ANAPC7: variants seen among roughly 807,000 people sequenced by gnomAD.
The protein encoded by ANAPC7 is anaphase-promoting complex subunit 7.
Under a neutral mutation model 63.3 loss-of-function variants are expected in ANAPC7, and 25 were observed. The observed-to-expected ratio is 0.39, with a 90% CI of 0.29 to 0.55. The LOEUF is 0.55. ANAPC7 is among the 20% of genes least tolerant of loss of function. The pLI is 0.57. For missense variants in ANAPC7, 516 were observed against 691.7 expected (o/e 0.75, Z 2.85); for synonymous variants, 241 against 251.7 (o/e 0.96, Z 0.40).
chr12:110,385,005 T>C (rs1427740005), intron 6 of ANAPC7, among the ~76,000 whole-genome samples: 1 of 152,196 alleles, frequency 6.6e-6, no homozygotes, highest in East Asian at 1.9e-4. Context: ...GGCTCAGGCC[T>C]GTAATCCCAA....
chr12:110,382,451 A>AGATATATATATAT (rs1470435018), intron 7 of ANAPC7, among the ~76,000 whole-genome samples: 1 of 69,624 alleles, frequency 1.4e-5, no homozygotes, highest in African/African-American at 5.6e-5. Flanking sequence ...TAAAAAAAAA[A>AGATATATATATAT]AAAAAAAAAA....
chr12:110,400,672 A>G (rs887868347), intron 1 of ANAPC7, among the ~76,000 whole-genome samples: 3 of 152,190 alleles, frequency 2.0e-5, no homozygotes, highest in Non-Finnish European at 4.4e-5. Context: ...GCATAAACAC[A>G]TAAGGCTGAC....
intron 1 of ANAPC7, among the ~76,000 whole-genome samples, chr12:110,398,899 A>G (rs1258402518): frequency 2.0e-5 from 3 of 151,830 alleles, no homozygotes; most frequent in African/African-American, 4.8e-5. Flanking sequence ...GAGCCAAGAT[A>G]GTGTGCCATT....
rs1025707371 is a variant in ANAPC7 at position 110,382,617 on chromosome 12, T to C, written c.935+226A>G. Among the ~76,000 whole-genome samples the C allele has an allele frequency of 1.1e-4, 17 of 151,528 alleles. 1 individual carries two copies. The highest frequency in any genetic ancestry group is 4.1e-4 in the African/African-American group (17 of 41,296). ...ACAAAATCTCACTCTGCCGCCCACC[T>C]GGAGTGCAGTGGCACGATCTTGGCT... On this transcript the variant is annotated intron_variant, in intron 7 of 10. Transcript: ENST00000455511.
chr12:110,384,429 G>A (rs1882260068), intron 6 of ANAPC7, among the ~76,000 whole-genome samples: 1 of 151,620 alleles, frequency 6.6e-6, no homozygotes, highest in South Asian at 2.1e-4. Context: ...AGGAGGCCGG[G>A]CACGGTGACT....
chr12:110,396,413 C>T lies in ANAPC7; in HGVS notation c.141G>A (p.Val47=). ...FSPPQKYQLL[V]YHADSLFHDK... ...CATGAAAGAGAGAATCTGCATGATACACCAAAAGCTGGTACTTCTGAGGTG... is the reference window on the plus strand; with the variant it reads ...CATGAAAGAGAGAATCTGCATGATATACCAAAAGCTGGTACTTCTGAGGTG... The change falls in exon 2 of 11, where the codon GTG becomes GTA. Residue 47 remains valine, a synonymous_variant. Transcript: ENST00000455511. 1.2e-6 allele frequency: 2 copies of T among 1,613,022 alleles called. No homozygotes were observed. The highest frequency in any genetic ancestry group is 1.7e-6 in the Non-Finnish European group (2 of 1,179,758).
intron 3 of ANAPC7, among the ~76,000 whole-genome samples, chr12:110,394,503 C>T (rs1044956968): frequency 1.3e-5 from 2 of 151,592 alleles, no homozygotes; most frequent in Non-Finnish European, 2.9e-5. Flanking sequence ...GTGGCAGGCG[C>T]CTATAATCCC....
At chr12:110,402,110 G>A (rs964263602) in intron 1 of ANAPC7, among the ~76,000 whole-genome samples, 1 of 150,836 alleles carries the variant, frequency 6.6e-6, no homozygotes, top group Non-Finnish European at 1.5e-5. Context: ...AGGAAGCGGA[G>A]GCTGCAGTGA....
chr12:110,380,717 G>A (rs536688151), intron 8 of ANAPC7, among the ~76,000 whole-genome samples: 1 of 149,906 alleles, frequency 6.7e-6, no homozygotes, highest in South Asian at 2.1e-4. Context: ...CACTTTGGGA[G>A]GCCGAGGCGG....
intron 9 of ANAPC7, among the ~76,000 whole-genome samples, chr12:110,376,886 G>C (rs1881333917): frequency 6.6e-6 from 1 of 151,958 alleles, no homozygotes; most frequent in Admixed American, 6.6e-5. Context: ...ACTTTGGGAG[G>C]CCGAGGCGGG....
At chr12:110,380,360 T>TA (rs1045750476) in intron 8 of ANAPC7, among the ~76,000 whole-genome samples, 6 of 133,398 alleles carry the variant, frequency 4.5e-5, no homozygotes, top group Admixed American at 1.5e-4. Flanking sequence ...CAAATAAAAA[T>TA]AAAAAAAATA....
chr12:110,384,957 C>T (rs1369491819), intron 6 of ANAPC7, among the ~76,000 whole-genome samples: 1 of 152,152 alleles, frequency 6.6e-6, no homozygotes, highest in Non-Finnish European at 1.5e-5. Context: ...ATCCAGAATG[C>T]AGTTCATTAA....
At chr12:110,400,131 T>C (rs969420300) in intron 1 of ANAPC7, among the ~76,000 whole-genome samples, 4 of 152,134 alleles carry the variant, frequency 2.6e-5, no homozygotes, top group African/African-American at 9.7e-5. Flanking sequence ...GAGTATAGTC[T>C]AGATGACTTA....
intron 1 of ANAPC7, among the ~76,000 whole-genome samples, chr12:110,398,489 A>G (rs1053850295): frequency 1.3e-5 from 2 of 152,142 alleles, no homozygotes; most frequent in African/African-American, 4.8e-5. Context: ...ATTTCAGGAC[A>G]GTGTAAAGGA....
In ANAPC7 at chr12:110,387,961, G is replaced by A. The variant is rs139954100; in HGVS notation, c.521-69C>T. On this transcript the variant is annotated intron_variant, in intron 4 of 10. Coordinates refer to ENST00000455511, the MANE Select transcript of ANAPC7 (RefSeq NM_016238.3). ...CTCTCTTCCACATGCAAGGAGCAAC[G>A]GGCTACATCTTCCCTTGGCTAAAAG... 5.7e-4 allele frequency: 881 copies of A among 1,543,320 alleles called. 2 individuals carry two copies. In the African/African-American group the frequency reaches 8.2e-3, roughly 14 times the overall value.
intron 6 of ANAPC7, among the ~76,000 whole-genome samples, chr12:110,385,779 C>T (rs1245529758): frequency 6.6e-6 from 1 of 152,106 alleles, no homozygotes; most frequent in African/African-American, 2.4e-5. Flanking sequence ...TCTATCTGAC[C>T]TTATTTCCCA....
rs1318814228 is a variant in ANAPC7 at position 110,377,852 on chromosome 12, T to G, written c.1133-235A>C. 2.9e-6 allele frequency: 4 copies of G among 1,390,836 alleles called. No individual in the cohort carries two copies. In the African/African-American group the frequency reaches 5.8e-5, roughly 20 times the overall value. 86.2% of individuals were successfully genotyped at this position (1,390,836 alleles called of 1,614,324 possible). Reference sequence around the variant, plus strand: ...ACTGCCTTCAAAGGCACCTTCAGTTTAGGGAAGGAAACAAGCACATGTAAG... The same window carrying G: ...ACTGCCTTCAAAGGCACCTTCAGTTGAGGGAAGGAAACAAGCACATGTAAG... On this transcript the variant is annotated intron_variant, in intron 8 of 10. Coordinates refer to ENST00000455511, the MANE Select transcript of ANAPC7 (RefSeq NM_016238.3).
intron 3 of ANAPC7, among the ~76,000 whole-genome samples, chr12:110,391,242 A>C (rs1883061307): frequency 6.6e-6 from 1 of 152,134 alleles, no homozygotes; most frequent in African/African-American, 2.4e-5. Flanking sequence ...CTCACTTAAA[A>C]ACATCATAAA....
At chr12:110,378,166 C>T (rs1423088834) in intron 8 of ANAPC7, 1 of 154,872 alleles carries the variant, frequency 6.5e-6, no homozygotes, top group Non-Finnish European at 1.4e-5. Context: ...GCCATCTCGG[C>T]TCACTGCAAT....
Sources: gnomAD v4.1 joint callset for allele counts (sites outside exome capture counted in the v4.1 genomes callset) on GRCh38, gnomAD v4.1.1 for gene constraint, MANE v1.5 for transcripts, NCBI Gene and HGNC (gene_info 2026-07-23, HGNC 2026-07-21) for gene names.